Variants in CD48 observed in about 807,000 individuals in gnomAD.
CD48 encodes CD48 antigen.
CD48 carries 20 observed loss-of-function variants against 22.0 expected under a neutral mutation model. The observed-to-expected ratio is 0.91, with a 90% CI of 0.64 to 1.32. The LOEUF is 1.32. Among genes scored for constraint, CD48 ranks in the 40% most tolerant of loss-of-function variants. The pLI, the probability that CD48 is intolerant of heterozygous loss-of-function variation, is 0.00. For synonymous variants in CD48, 110 were observed against 110.1 expected (o/e 1.00, Z 0.01); for missense variants, 307 against 286.5 (o/e 1.07, Z -0.52).
At chr1:160,706,732 A>C (rs1662807000) in intron 1 of CD48, among the ~76,000 whole-genome samples, 1 of 152,210 alleles carries the variant, frequency 6.6e-6, no homozygotes, top group African/African-American at 2.4e-5. Context: ...AAAAAGAAGA[A>C]GAAATAGAAC....
chr1:160,691,190 C>G (rs1662201885), intron 1 of CD48, among the ~76,000 whole-genome samples: 1 of 152,126 alleles, frequency 6.6e-6, no homozygotes, highest in Admixed American at 6.5e-5. Flanking sequence ...GACCGTCCCC[C>G]AGCCCGACAC....
At chr1:160,689,927 T>A (rs1420815097) in intron 1 of CD48, among the ~76,000 whole-genome samples, 2 of 152,242 alleles carry the variant, frequency 1.3e-5, no homozygotes, top group African/African-American at 4.8e-5. Flanking sequence ...ATTTTTTGCC[T>A]GTATAATGGC....
intron 1 of CD48, among the ~76,000 whole-genome samples, chr1:160,687,782 T>C (rs1449274366): frequency 6.6e-6 from 1 of 152,218 alleles, no homozygotes; most frequent in Non-Finnish European, 1.5e-5. Context: ...GAGCCCCCAG[T>C]AGACTTAATC....
chr1:160,707,882 C>T (rs972599162), intron 1 of CD48, among the ~76,000 whole-genome samples: 4 of 152,254 alleles, frequency 2.6e-5, no homozygotes, highest in South Asian at 4.1e-4. Context: ...ATTCACTCAT[C>T]GAATAACTAT....
chr1:160,678,935 T>G lies in CD48; in HGVS notation c.*117A>C. 5.6e-6 allele frequency: 4 copies of G among 715,334 alleles called. No homozygotes were observed. The allele number at this position is 715,334 out of a possible 1,614,324, so 44.3% of individuals were successfully genotyped here. A position where few individuals can be genotyped will look rare whatever the true frequency, so the allele number is the denominator to read the frequency against. On this transcript the variant is annotated 3_prime_UTR_variant, in exon 4 of 4. Transcript: ENST00000368046. ...AAGTTAACTTGAAAATCCTCGTTGA[T>G]AATTCAGCAGCATGCTTCTGGTCAG... is the stretch of plus-strand genomic sequence containing the variant.
At chr1:160,693,802 C>T (rs2102418559) in intron 1 of CD48, among the ~76,000 whole-genome samples, 1 of 152,400 alleles carries the variant, frequency 6.6e-6, no homozygotes, top group African/African-American at 2.4e-5. Context: ...CAGCCTCAGG[C>T]CCTGCAACAA....
intron 1 of CD48, among the ~76,000 whole-genome samples, chr1:160,698,443 G>A (rs951215594): frequency 1.3e-5 from 2 of 152,068 alleles, no homozygotes; most frequent in African/African-American, 2.4e-5. Context: ...TCACAGCTAC[G>A]GCTGCTGTGG....
At chr1:160,685,394 G>A (rs1346387862) in intron 1 of CD48, among the ~76,000 whole-genome samples, 1 of 152,168 alleles carries the variant, frequency 6.6e-6, no homozygotes, top group Non-Finnish European at 1.5e-5. Flanking sequence ...GGGGGAAGGG[G>A]ATGCTGCTTA....
chr1:160,688,532 A>G (rs141663185), intron 1 of CD48, among the ~76,000 whole-genome samples: 5 of 152,344 alleles, frequency 3.3e-5, no homozygotes, highest in South Asian at 4.1e-4. Context: ...GAGGCTTAAC[A>G]CAACTCTGTA....
intron 1 of CD48, among the ~76,000 whole-genome samples, chr1:160,711,372 A>G (rs189793719): frequency 4.4e-4 from 67 of 152,044 alleles, no homozygotes; most frequent in African/African-American, 1.5e-3. Flanking sequence ...CTTCTTATTC[A>G]AAATGAAAAA....
intron 1 of CD48, 102 bp downstream of exon 1, chr1:160,711,580 C>A: frequency 1.2e-6 from 1 of 860,600 alleles, no homozygotes; most frequent in Non-Finnish European, 1.9e-6. Flanking sequence ...GCTTTCCAGA[C>A]ACCAGATCTG....
intron 1 of CD48, among the ~76,000 whole-genome samples, chr1:160,700,028 T>G (rs1298499710): frequency 6.6e-6 from 1 of 152,176 alleles, no homozygotes; most frequent in Non-Finnish European, 1.5e-5. Flanking sequence ...GAGACAATAT[T>G]TAAAGGTTTG....
intron 3 of CD48, chr1:160,680,548 C>T: frequency 4.0e-6 from 4 of 989,396 alleles, no homozygotes; most frequent in Non-Finnish European, 4.8e-6. Flanking sequence ...AACCCATGGC[C>T]TTAGCTGTCC....
chr1:160,691,370 G>A (rs771865405), intron 1 of CD48, among the ~76,000 whole-genome samples: 1 of 152,338 alleles, frequency 6.6e-6, no homozygotes, highest in Admixed American at 6.5e-5. Context: ...CCACCTTAGG[G>A]CTGGAGGTGG....
In CD48 at chr1:160,701,496, T is replaced by G. The variant is rs535664; in HGVS notation, c.82+10186A>C. ...GGAATGGGATCAGGAGGTATGGCAG[T>G]GGCTGCCACTAAAAAGAATAACCTA... On this transcript the variant is annotated intron_variant, in intron 1 of 3. Coordinates refer to ENST00000368046, the MANE Select transcript of CD48 (RefSeq NM_001778.4). Among the ~76,000 whole-genome samples the G allele has an allele frequency of 2.0e-5, 3 of 151,446 alleles. No homozygotes were observed. In the East Asian group the frequency reaches 5.8e-4, roughly 30 times the overall value.
chr1:160,702,883 A>G (rs4656267), intron 1 of CD48, among the ~76,000 whole-genome samples: 74,391 of 151,998 alleles, frequency 0.49, 18,834 homozygotes, highest in Non-Finnish European at 0.55. Flanking sequence ...GCTAACATAT[A>G]AAGGAGAATG....
intron 1 of CD48, among the ~76,000 whole-genome samples, chr1:160,705,811 C>T (rs147740976): frequency 2.3e-4 from 35 of 152,230 alleles, no homozygotes; most frequent in African/African-American, 8.4e-4. Context: ...CTGTTCTGTG[C>T]ATTGTAAGAT....
At chr1:160,704,071 A>G (rs1303187390) in intron 1 of CD48, among the ~76,000 whole-genome samples, 1 of 152,158 alleles carries the variant, frequency 6.6e-6, no homozygotes, top group Non-Finnish European at 1.5e-5. Context: ...TGCATTTACA[A>G]TGTATTTAGA....
At chr1:160,708,827 T>G (rs1662867370) in intron 1 of CD48, among the ~76,000 whole-genome samples, 2 of 152,080 alleles carry the variant, frequency 1.3e-5, no homozygotes, top group Non-Finnish European at 2.9e-5. Flanking sequence ...CGGTGATGGC[T>G]TCAATGAATG....
Sources: gnomAD v4.1 joint callset for allele counts (sites outside exome capture counted in the v4.1 genomes callset) on GRCh38, gnomAD v4.1.1 for gene constraint, MANE v1.5 for transcripts, NCBI Gene and HGNC (gene_info 2026-07-23, HGNC 2026-07-21) for gene names.